Variants in FOXN3 observed in about 807,000 individuals in gnomAD.
FOXN3 encodes forkhead box protein N3.
A neutral mutation model predicts 38.4 loss-of-function variants in FOXN3; 7 were observed. The ratio of observed to expected loss-of-function variants is 0.18; its 90% CI spans 0.10 to 0.34. FOXN3 has a LOEUF of 0.34. Ranked by LOEUF, FOXN3 falls within the 10% of genes least tolerant of loss-of-function variation. The pLI is 1.00. For missense variants in FOXN3, 456 were observed against 613.4 expected, an observed-to-expected ratio of 0.74 and a Z score of 2.71; for synonymous variants, 230 against 242.2, an observed-to-expected ratio of 0.95 and a Z score of 0.47.
chr14:89,372,314 G>A (rs964136270), intron 2 of FOXN3, among the ~76,000 whole-genome samples: 5 of 152,028 alleles, frequency 3.3e-5, no homozygotes, highest in African/African-American at 9.7e-5. Flanking sequence ...ATGAAAACTC[G>A]ATTACAGTAT....
At chr14:89,532,633 A>G (rs1345228434) in intron 1 of FOXN3, among the ~76,000 whole-genome samples, 1 of 152,216 alleles carries the variant, frequency 6.6e-6, no homozygotes, top group Non-Finnish European at 1.5e-5. Context: ...ACAAAAATCT[A>G]TCAGTTGGGC....
chr14:89,374,263 C>CAAAAAAAAA (rs35623770), intron 2 of FOXN3, among the ~76,000 whole-genome samples: 22 of 48,158 alleles, frequency 4.6e-4, no homozygotes, highest in African/African-American at 1.2e-3. Context: ...GACCTTGTCT[C>CAAAAAAAAA]AAAAAAAAAA....
chr14:89,180,953 T>TACACACACACACACACACGTGCACATAC, intron 4 of FOXN3, 147 bp from the exon 5 acceptor site: 1 of 480,716 alleles, frequency 2.1e-6, no homozygotes, highest in Middle Eastern at 5.0e-4. Context: ...CACGTGCACA[T>TACACACACACACACACACGTGCACATAC]ACACACACAC....
At chr14:89,481,911 T>C (rs533153784) in intron 1 of FOXN3, among the ~76,000 whole-genome samples, 5 of 152,302 alleles carry the variant, frequency 3.3e-5, no homozygotes, top group Non-Finnish European at 7.4e-5. Flanking sequence ...GAAGACTGTA[T>C]GGTAATTATA....
At chr14:89,339,163 G>A (rs1220032133) in intron 3 of FOXN3, among the ~76,000 whole-genome samples, 2 of 152,044 alleles carry the variant, frequency 1.3e-5, no homozygotes, top group Non-Finnish European at 2.9e-5. Context: ...TAGGAGAGAC[G>A]AGGTTTTGCC....
chr14:89,581,059 G>A (rs1043526886), intron 1 of FOXN3, among the ~76,000 whole-genome samples: 2 of 151,796 alleles, frequency 1.3e-5, no homozygotes, highest in Non-Finnish European at 2.9e-5. Flanking sequence ...GTGTGTGCCT[G>A]TAGTCCCAGT....
chr14:89,559,052 A>G (rs1178460236), intron 1 of FOXN3, among the ~76,000 whole-genome samples: 1 of 151,934 alleles, frequency 6.6e-6, no homozygotes, highest in African/African-American at 2.4e-5. Context: ...TTTTTTTAAC[A>G]TGATGTAGCA....
At chr14:89,362,780 CCACCACCACCAT>C (rs1889916998) in intron 2 of FOXN3, among the ~76,000 whole-genome samples, 4 of 139,334 alleles carry the variant, frequency 2.9e-5, no homozygotes, top group African/African-American at 8.1e-5. Flanking sequence ...ACCACCACCA[CCACCACCACCAT>C]CTCCACCACC....
intron 2 of FOXN3, among the ~76,000 whole-genome samples, chr14:89,404,539 A>G (rs1596255462): frequency 1.4e-5 from 2 of 139,206 alleles, no homozygotes; most frequent in Admixed American, 7.4e-5. Context: ...AATCGGCAGG[A>G]TGGGTCAGGG....
intron 3 of FOXN3, among the ~76,000 whole-genome samples, chr14:89,285,425 A>C (rs1886597104): frequency 6.6e-6 from 1 of 151,990 alleles, no homozygotes; most frequent in South Asian, 2.1e-4. Context: ...AGGCTAAGGT[A>C]GGAGAATTGT....
chr14:89,512,317 C>G (rs1210881847), intron 1 of FOXN3, among the ~76,000 whole-genome samples: 1 of 152,144 alleles, frequency 6.6e-6, no homozygotes, highest in East Asian at 1.9e-4. Flanking sequence ...TTGATGTTAA[C>G]ATTTTTACAC....
At chr14:89,604,582 T>C (rs1488198205) in intron 1 of FOXN3, among the ~76,000 whole-genome samples, 1 of 152,092 alleles carries the variant, frequency 6.6e-6, no homozygotes, top group East Asian at 1.9e-4. Flanking sequence ...ATGCTTAATC[T>C]CAAACCTGGA....
rs191423550 is a variant in FOXN3, at chr14:89,506,647, G to C, written c.-14-94157C>G. Among the ~76,000 whole-genome samples, 177 of 152,268 alleles carry C rather than the reference G, an allele frequency of 1.2e-3. 3 individuals are homozygous for C. The East Asian group carries it at 0.03, about 25-fold the overall frequency. On this transcript the variant is annotated intron_variant, in intron 1 of 6. Transcript: ENST00000345097. ...GTGTACTCAACAGCTCATTGAGAACGGGCCAGGATAACAATCGCGGTTTTG... is the reference window on the plus strand; with the variant it reads ...GTGTACTCAACAGCTCATTGAGAACCGGCCAGGATAACAATCGCGGTTTTG...
At chr14:89,451,343 C>A (rs1892609558) in intron 1 of FOXN3, among the ~76,000 whole-genome samples, 1 of 152,174 alleles carries the variant, frequency 6.6e-6, no homozygotes, top group Non-Finnish European at 1.5e-5. Flanking sequence ...TAACAAGATG[C>A]TCTGAATAAC....
rs74076959 is a variant in FOXN3 at position 89,180,708 on chromosome 14, C to G, written c.844G>C (p.Ala282Pro). 1.8e-4 allele frequency: 284 copies of G among 1,607,114 alleles called. No homozygotes were observed. The African/African-American group carries it at 3.4e-3, about 19-fold the overall frequency. ...LPITPIGVTA[A>P]MRNGITSCRM... ...AGCGCACTCCCCACTTACCTCATGG[C>G]CGCTGTCACCCCAATGGGAGTGATT... The change falls in exon 5 of 6, where the codon GCC (alanine) becomes CCC (proline). Residue 282 changes from alanine (A) to proline (P), a missense_variant. By Grantham distance (27) the Ala-to-Pro change is conservative. Coordinates refer to ENST00000557258, the MANE Select transcript of FOXN3 (RefSeq NM_005197.4).
At chr14:89,286,394 G>A (rs1886629498) in intron 3 of FOXN3, among the ~76,000 whole-genome samples, 1 of 152,120 alleles carries the variant, frequency 6.6e-6, no homozygotes, top group South Asian at 2.1e-4. Context: ...GGGATGGGGT[G>A]GGGGGAAAAA....
At chr14:89,425,418 A>C (rs1213512538) in intron 1 of FOXN3, among the ~76,000 whole-genome samples, 1 of 151,284 alleles carries the variant, frequency 6.6e-6, no homozygotes. Flanking sequence ...CCCAGGCTGG[A>C]GTGCAATGGC....
chr14:89,212,309 G>A (rs940401009), intron 4 of FOXN3, among the ~76,000 whole-genome samples: 1 of 152,354 alleles, frequency 6.6e-6, no homozygotes, highest in East Asian at 1.9e-4. Flanking sequence ...CCTTCAAACT[G>A]CGGAGGTTGG....
chr14:89,425,576 G>A (rs768137664), intron 1 of FOXN3, among the ~76,000 whole-genome samples: 12 of 150,514 alleles, frequency 8.0e-5, no homozygotes, highest in South Asian at 4.2e-4. Context: ...TGTTGGCCAC[G>A]CTGGTCTCGA....
Sources: allele counts gnomAD v4.1 joint callset (sites outside exome capture counted in the v4.1 genomes callset), GRCh38; gene constraint gnomAD v4.1.1; transcripts MANE v1.5; gene names NCBI Gene and HGNC (gene_info 2026-07-23, HGNC 2026-07-21).